Variants in ARAP2 observed in about 807,000 individuals in gnomAD.
ARAP2 encodes the protein ArfGAP with RhoGAP domain, ankyrin repeat and PH domain 2.
A neutral mutation model predicts 194.5 loss-of-function variants in ARAP2; 148 were observed. The ratio of observed to expected loss-of-function variants is 0.76; its 90% CI spans 0.67 to 0.87. The LOEUF is 0.87. ARAP2 is among the 40% of genes least tolerant of loss of function. ARAP2 has a pLI of 0.00. For synonymous variants in ARAP2, 695 were observed against 683.5 expected (o/e 1.02, Z -0.26); for missense variants, 2,128 against 1,989.7 (o/e 1.07, Z -1.32).
chr4:36,141,236 A>T (rs998293), intron 19 of ARAP2, among the ~76,000 whole-genome samples: 48,185 of 151,234 alleles, frequency 0.32, 8,784 homozygotes, highest in East Asian at 0.46. Flanking sequence ...TGACAATATT[A>T]TTTTTTTATT....
chr4:36,223,075 T>C (rs912924637), intron 2 of ARAP2, among the ~76,000 whole-genome samples: 1 of 152,084 alleles, frequency 6.6e-6, no homozygotes, highest in Non-Finnish European at 1.5e-5. Context: ...CATATCCAGG[T>C]AATATACGTC....
chr4:36,029,355 G>A (rs1435494560), intron 5 of ARAP2, among the ~76,000 whole-genome samples: 2 of 151,918 alleles, frequency 1.3e-5, no homozygotes, highest in African/African-American at 4.8e-5. Flanking sequence ...TAAGGTGTTT[G>A]TCACTGTAAA....
intron 20 of ARAP2, among the ~76,000 whole-genome samples, chr4:36,130,948 AAATAATTTTCCCC>A (rs1309812082): frequency 6.6e-6 from 1 of 151,896 alleles, no homozygotes; most frequent in African/African-American, 2.4e-5. Context: ...TATATAACTG[AAATAATTTTCCCC>A]AAGAACTAGT....
chr4:36,219,151 A>T (rs1466203459), intron 2 of ARAP2, among the ~76,000 whole-genome samples: 1 of 152,238 alleles, frequency 6.6e-6, no homozygotes, highest in Admixed American at 6.5e-5. Context: ...CTACTTTATA[A>T]GAACCATTTT....
At chr4:36,023,765 G>A (rs1376163349) in intron 5 of ARAP2, among the ~76,000 whole-genome samples, 5 of 152,232 alleles carry the variant, frequency 3.3e-5, no homozygotes, top group Middle Eastern at 6.8e-3. Flanking sequence ...AAAAGCAAGC[G>A]GGAAAGTGGG....
At chr4:36,206,179 A>T (rs1745492745) in intron 6 of ARAP2, among the ~76,000 whole-genome samples, 1 of 152,234 alleles carries the variant, frequency 6.6e-6, no homozygotes, top group South Asian at 2.1e-4. Context: ...GGATGGTGAC[A>T]TGGAAACCAG....
downstream of ARAP2, chr4:36,065,525 A>G: frequency 3.7e-6 from 1 of 272,124 alleles, no homozygotes; most frequent in Non-Finnish European, 7.7e-6. Flanking sequence ...CAGGGCAGGC[A>G]GTAGAGTTCA....
At chr4:36,077,875 G>A (rs1728609099) in intron 31 of ARAP2, among the ~76,000 whole-genome samples, 1 of 152,014 alleles carries the variant, frequency 6.6e-6, no homozygotes, top group Admixed American at 6.6e-5. Context: ...ATACCCTGCT[G>A]GCCCCATTCC....
chr4:36,079,967 A>G (rs988585771), intron 31 of ARAP2, among the ~76,000 whole-genome samples: 32 of 152,144 alleles, frequency 2.1e-4, no homozygotes, highest in African/African-American at 6.8e-4. Flanking sequence ...CACCTCACCT[A>G]AGCCAAGGAG....
At chr4:36,081,462 C>T (rs940271402) in intron 30 of ARAP2, among the ~76,000 whole-genome samples, 1 of 152,054 alleles carries the variant, frequency 6.6e-6, no homozygotes, top group African/African-American at 2.4e-5. Context: ...ATTGTTTTGT[C>T]ATTAAGTGAA....
At chr4:36,243,428 ACTTACAACAC>A (rs147460008) in intron 1 of ARAP2, among the ~76,000 whole-genome samples, 3 of 149,216 alleles carry the variant, frequency 2.0e-5, no homozygotes, top group Non-Finnish European at 4.4e-5. Flanking sequence ...CAGGATACCT[ACTTACAACAC>A]CCTAAGATGT....
At chr4:36,023,502 G>A (rs1008866660) in intron 5 of ARAP2, among the ~76,000 whole-genome samples, 2 of 152,104 alleles carry the variant, frequency 1.3e-5, no homozygotes, top group Admixed American at 6.6e-5. Flanking sequence ...GCAGCTGGCA[G>A]TATGGCAGAC....
chr4:36,202,104 T>C (rs1344004726), intron 6 of ARAP2, among the ~76,000 whole-genome samples: 1 of 152,196 alleles, frequency 6.6e-6, no homozygotes, highest in Non-Finnish European at 1.5e-5. Context: ...CACAGCATAT[T>C]TTATGTTATT....
intron 2 of ARAP2, among the ~76,000 whole-genome samples, chr4:36,218,875 A>G (rs529755901): frequency 1.3e-5 from 2 of 152,350 alleles, no homozygotes; most frequent in South Asian, 4.1e-4. Flanking sequence ...AAACACACAA[A>G]AAAATGCAAT....
intron 2 of ARAP2, among the ~76,000 whole-genome samples, chr4:36,220,399 GT>G (rs2109308837): frequency 6.6e-6 from 1 of 152,248 alleles, no homozygotes; most frequent in South Asian, 2.1e-4. Context: ...CATGTTTGTG[GT>G]GATGCTGGTG....
chr4:36,205,469 ACAAT>A (rs1008559591), intron 6 of ARAP2, among the ~76,000 whole-genome samples: 4 of 152,220 alleles, frequency 2.6e-5, no homozygotes, highest in Non-Finnish European at 4.4e-5. Context: ...TGCTTTTATA[ACAAT>A]CAAAAAAAAT....
intron 8 of ARAP2, among the ~76,000 whole-genome samples, chr4:36,183,436 C>T (rs919181404): frequency 6.6e-6 from 1 of 152,260 alleles, no homozygotes; most frequent in Middle Eastern, 3.4e-3. Context: ...GACAGAAGCA[C>T]AGGGCCTGCA....
intron 5 of ARAP2, among the ~76,000 whole-genome samples, chr4:36,019,771 G>A (rs1459985959): frequency 7.2e-5 from 11 of 152,080 alleles, no homozygotes; most frequent in Admixed American, 5.9e-4. Flanking sequence ...AGGTTATAAA[G>A]AGGGAGGGAA....
rs79897810 is a variant in ARAP2, at chr4:36,183,486, G to A, written c.1678+3965C>T. Among the ~76,000 whole-genome samples the A allele has an allele frequency of 8.2e-3, 1,244 of 152,212 alleles. 24 individuals carry two copies. The highest frequency in any genetic ancestry group is 0.029 in the African/African-American group (1,195 of 41,510). ...CTGAAAATGGCCTTGGAAAGGGAAT[G>A]CCCACTCAAAATTCTTAAGCTCTCT... On this transcript the variant is annotated intron_variant, in intron 8 of 32. Transcript: ENST00000303965.
Sources: allele counts gnomAD v4.1 joint callset (sites outside exome capture counted in the v4.1 genomes callset), GRCh38; gene constraint gnomAD v4.1.1; transcripts MANE v1.5; gene names NCBI Gene and HGNC (gene_info 2026-07-23, HGNC 2026-07-21).